LIFR: variants seen among roughly 807,000 people sequenced by gnomAD.
LIFR encodes leukemia inhibitory factor receptor.
LIFR carries 84 observed loss-of-function variants against 122.2 expected under a neutral mutation model. The ratio of observed to expected loss-of-function variants is 0.69; its 90% CI spans 0.58 to 0.82. The LOEUF is 0.82. Among genes scored for constraint, LIFR ranks in the 40% least tolerant of loss-of-function variants. The probability of loss-of-function intolerance (pLI) is 0.00; values close to 1 mark genes in which losing one functional copy is unlikely to be tolerated. For synonymous variants in LIFR, 422 were observed against 434.7 expected (o/e 0.97, Z 0.36); for missense variants, 1,294 against 1,311.6 (o/e 0.99, Z 0.21).
At position 38,502,725 on chromosome 5, in the gene LIFR, T is replaced by C. The variant is rs1239365534; in HGVS notation, c.1512A>G (p.Leu504=). Residue 504 remains leucine, a synonymous_variant, in exon 11 of 20, where the codon CTA becomes CTG. Coordinates refer to ENST00000453190, the MANE Select transcript of LIFR (RefSeq NM_001127671.2). The part of the protein sequence containing the change: ...VALDKLNPYT[L]YTFRIRCSTE... ...TAGAACAACGAATCCGAAAAGTATA[T>C]AGAGTGTATGGATTTAACTTGTCCA... 31 of 1,610,824 alleles carry C rather than the reference T, an allele frequency of 1.9e-5. No homozygotes were observed. The East Asian group carries it at 3.6e-4, about 19-fold the overall frequency.
chr5:38,603,353 A>G (rs1750258515), intron 2 of LIFR, among the ~76,000 whole-genome samples: 1 of 152,206 alleles, frequency 6.6e-6, no homozygotes, highest in Non-Finnish European at 1.5e-5. Context: ...GGTAACTGAG[A>G]TACCTTCCAC....
rs772363218 is a variant in LIFR, at chr5:38,510,659, C to G, written c.796G>C (p.Asp266His). Residue 266 changes from aspartate (D) to histidine (H), a missense_variant, in exon 7 of 20, where the codon GAC becomes CAC. Transcript: ENST00000453190. ...PQDKVILVGS[D>H]ITFCCVSQEK... The stretch of plus-strand genomic sequence containing the variant: ...TGACTCACACAACAAAATGTTATGT[C>G]TGAGCCTACAAGTATCACTTTATCT... 1 of 1,613,618 alleles carries G rather than the reference C, an allele frequency of 6.2e-7. No homozygotes were observed. Among genetic ancestry groups the G allele is most frequent in the Non-Finnish European group, 8.5e-7 (1 of 1,179,624 alleles).
intron 1 of LIFR, among the ~76,000 whole-genome samples, chr5:38,567,496 G>T (rs986712295): frequency 1.1e-4 from 15 of 132,888 alleles, no homozygotes; most frequent in Admixed American, 6.9e-4. Context: ...TGACCATTCT[G>T]TATTTATTTA....
At chr5:38,560,516 C>T (rs1748794186), upstream of LIFR, among the ~76,000 whole-genome samples, 1 of 151,840 alleles carries the variant, frequency 6.6e-6, no homozygotes, top group African/African-American at 2.4e-5. Flanking sequence ...TTTCAGGGTG[C>T]TATGTCAAGT....
intron 1 of LIFR, among the ~76,000 whole-genome samples, chr5:38,542,967 A>AT (rs1338391606): frequency 6.6e-6 from 1 of 152,098 alleles, no homozygotes; most frequent in Non-Finnish European, 1.5e-5. Flanking sequence ...CACAATGAAG[A>AT]TTTTTTCCCT....
chr5:38,595,953 G>A (rs917998696), upstream of LIFR, among the ~76,000 whole-genome samples: 7 of 151,278 alleles, frequency 4.6e-5, no homozygotes, highest in African/African-American at 1.7e-4. Context: ...AGCCAGGATG[G>A]TCTCGATCTC....
intron 11 of LIFR, among the ~76,000 whole-genome samples, chr5:38,500,331 C>T (rs1313775108): frequency 1.3e-5 from 2 of 152,150 alleles, no homozygotes; most frequent in Admixed American, 6.5e-5. Context: ...ATCCCTCATC[C>T]GAAATGCTTG....
At chr5:38,509,160 T>G (rs1016247256) in intron 7 of LIFR, among the ~76,000 whole-genome samples, 1 of 152,208 alleles carries the variant, frequency 6.6e-6, no homozygotes, top group Non-Finnish European at 1.5e-5. Context: ...ATGGAAACAG[T>G]GCACAGTCTC....
intron 1 of LIFR, among the ~76,000 whole-genome samples, chr5:38,588,367 G>A (rs1327746266): frequency 6.6e-6 from 1 of 152,168 alleles, no homozygotes; most frequent in East Asian, 1.9e-4. Context: ...AGGGCTTGAG[G>A]AAGAATTTTA....
chr5:38,556,297 C>G (rs1748538832), intron 1 of LIFR, 37 bp downstream of exon 1: 1 of 152,200 alleles, frequency 6.6e-6, no homozygotes, highest in African/African-American at 2.4e-5. Context: ...CGCGGCTCCC[C>G]TGCTCCGCGC....
At chr5:38,495,983 T>G (rs1454168476) in intron 13 of LIFR, among the ~76,000 whole-genome samples, 1 of 152,146 alleles carries the variant, frequency 6.6e-6, no homozygotes. Context: ...AAGCGTTTTT[T>G]TTTTTTCCTG....
At chr5:38,552,959 AG>A (rs1197237161) in intron 1 of LIFR, among the ~76,000 whole-genome samples, 1 of 152,178 alleles carries the variant, frequency 6.6e-6, no homozygotes, top group African/African-American at 2.4e-5. Flanking sequence ...ATGTGTTGCT[AG>A]CCCCCTGGAG....
At position 38,476,341 on chromosome 5, in the gene LIFR, C is replaced by T. The variant is rs1200049713; in HGVS notation, c.*5254G>A. On this transcript the variant is annotated 3_prime_UTR_variant, in exon 20 of 20. Coordinates refer to ENST00000453190, the MANE Select transcript of LIFR (RefSeq NM_001127671.2). ...AGAGATATTTTGATCTTTTATAATA[C>T]ACAACTGGAATGTTTAGGAAAATAG... The T allele has an allele frequency of 4.8e-6, 1 of 206,634 alleles. No homozygotes were observed. The highest frequency in any genetic ancestry group is 2.3e-5 in the African/African-American group (1 of 43,748). The allele number at this position is 206,634 out of a possible 1,614,324, so 12.8% of individuals were successfully genotyped here. A position where few individuals can be genotyped will look rare whatever the true frequency, so the allele number is the denominator to read the frequency against.
chr5:38,495,644 C>T (rs1449047785), intron 13 of LIFR, among the ~76,000 whole-genome samples: 1 of 152,136 alleles, frequency 6.6e-6, no homozygotes, highest in Non-Finnish European at 1.5e-5. Context: ...GCTGTGGTTA[C>T]AGAAAGGTGC....
chr5:38,604,587 G>C lies in LIFR; in HGVS notation n.305+1618C>G, dbSNP rs559280813. ...CTGGTGGTGGGCACCTGTAATCTCA[G>C]CTACCCGGGAGGCTGAAGCAGGAGA... On this transcript the variant is annotated intron_variant and non_coding_transcript_variant, in intron 2 of 3. Coordinates refer to the LIFR transcript ENST00000507786. 1.5e-3 allele frequency among the ~76,000 whole-genome samples: 223 copies of C among 152,120 alleles called. 1 individual carries two copies. The highest frequency in any genetic ancestry group is 5.1e-3 in the African/African-American group (213 of 41,508).
chr5:38,496,354 T>A, intron 13 of LIFR, 28 bp downstream of exon 13: 1 of 1,523,326 alleles, frequency 6.6e-7, no homozygotes, highest in Non-Finnish European at 9.1e-7. Context: ...TTCCCGTTCT[T>A]ATATACTAAA....
chr5:38,547,497 G>A (rs563610310), intron 1 of LIFR, among the ~76,000 whole-genome samples: 29 of 151,734 alleles, frequency 1.9e-4, no homozygotes, highest in Middle Eastern at 3.4e-3. Context: ...TTTTTTATTT[G>A]GCCGTATGAG....
intron 2 of LIFR, among the ~76,000 whole-genome samples, chr5:38,601,839 A>C (rs1481983736): frequency 6.6e-6 from 1 of 152,182 alleles, no homozygotes. Context: ...TATAAATTAA[A>C]TAAGAACCTA....
At chr5:38,489,985 A>C (rs1744486201) in intron 15 of LIFR, among the ~76,000 whole-genome samples, 1 of 123,834 alleles carries the variant, frequency 8.1e-6, no homozygotes, top group Non-Finnish European at 1.6e-5. Flanking sequence ...ACAGAGTAAG[A>C]CCCTCTCTCA....
Sources: allele counts gnomAD v4.1 joint callset (sites outside exome capture counted in the v4.1 genomes callset), GRCh38; gene constraint gnomAD v4.1.1; transcripts MANE v1.5; gene names NCBI Gene and HGNC (gene_info 2026-07-23, HGNC 2026-07-21).